Variants in RBM20 observed in about 807,000 individuals in gnomAD.
The protein encoded by RBM20 is RNA binding motif protein 20.
RBM20 carries 51 observed loss-of-function variants against 110.1 expected under a neutral mutation model. The ratio of observed to expected loss-of-function variants is 0.46; its 90% CI spans 0.37 to 0.59. The LOEUF (loss-of-function observed/expected upper bound fraction) is 0.59. Ranked by LOEUF, RBM20 falls within the 20% of genes least tolerant of loss-of-function variation. The pLI is 0.00. For synonymous variants in RBM20, 589 were observed against 618.2 expected, an observed-to-expected ratio of 0.95 and a Z score of 0.70; for missense variants, 1,512 against 1,574.9, an observed-to-expected ratio of 0.96 and a Z score of 0.68.
chr10:110,791,277 C>T (rs1216325923), intron 5 of RBM20, among the ~76,000 whole-genome samples: 1 of 152,158 alleles, frequency 6.6e-6, no homozygotes, highest in Admixed American at 6.5e-5. Context: ...AGAACAAAAC[C>T]AGCAGAGGCC....
In RBM20 at chr10:110,831,054, T is replaced by C. The variant is rs1230875623; in HGVS notation, c.3452-7T>C. On this transcript the variant is annotated splice_polypyrimidine_tract_variant and splice_region_variant and intron_variant, in intron 12 of 13. Transcript: ENST00000369519. The stretch of plus-strand genomic sequence containing the variant: ...ACCCTGCGTGTCTATCCCCCATCCT[T>C]TCCCAGGGGTGGAGTTCGTGGTTCC... The C allele has an allele frequency of 1.9e-6, 3 of 1,548,890 alleles. No individual in the cohort carries two copies. Among genetic ancestry groups the C allele is most frequent in the Non-Finnish European group, 2.6e-6 (3 of 1,144,874 alleles).
intron 1 of RBM20, among the ~76,000 whole-genome samples, chr10:110,657,375 T>A (rs894204320): frequency 6.6e-6 from 1 of 151,984 alleles, no homozygotes; most frequent in Non-Finnish European, 1.5e-5. Context: ...CTCAATGTGG[T>A]TTTGATTTGT....
chr10:110,806,581 A>G (rs886945156), intron 7 of RBM20, among the ~76,000 whole-genome samples: 4 of 152,158 alleles, frequency 2.6e-5, no homozygotes, highest in Non-Finnish European at 4.4e-5. Context: ...ACCAGGCCCC[A>G]CCTTCAACAT....
chr10:110,801,177 C>T (rs1280497535), intron 7 of RBM20, among the ~76,000 whole-genome samples: 1 of 151,982 alleles, frequency 6.6e-6, no homozygotes, highest in African/African-American at 2.4e-5. Context: ...CCCTGTAATC[C>T]CAGCACTTTG....
chr10:110,812,700 C>G lies in RBM20; in HGVS notation c.2303C>G (p.Ser768Trp), dbSNP rs1417635. 786 of 1,551,666 alleles carry G rather than the reference C, an allele frequency of 5.1e-4. 2 individuals carry two copies. The African/African-American group carries it at 9.1e-3, about 18-fold the overall frequency. Residue 768 changes from serine (S) to tryptophan (W), a missense_variant, in exon 9 of 14, where the codon TCG becomes TGG. Physicochemically the swap from Ser to Trp is radical, Grantham distance 177. Coordinates refer to ENST00000369519, the MANE Select transcript of RBM20 (RefSeq NM_001134363.3). ...GYYRKEPKAKSDKYLKQQQDA... is the reference protein window; with the variant it reads ...GYYRKEPKAKWDKYLKQQQDA... ...TACCGGAAAGAGCCCAAAGCCAAGT[C>G]GGACAAGTATCTGAAGCAGCAGCAG...
chr10:110,715,471 G>C (rs1335880135), intron 1 of RBM20, among the ~76,000 whole-genome samples: 1 of 152,182 alleles, frequency 6.6e-6, no homozygotes, highest in Non-Finnish European at 1.5e-5. Flanking sequence ...TCAAATGTCA[G>C]TTTTCCTTTG....
At chr10:110,768,674 A>G (rs1564840321) in intron 1 of RBM20, among the ~76,000 whole-genome samples, 1 of 152,220 alleles carries the variant, frequency 6.6e-6, no homozygotes, top group Non-Finnish European at 1.5e-5. Context: ...TAATTTGCCC[A>G]GTGTTGAGCC....
intron 1 of RBM20, among the ~76,000 whole-genome samples, chr10:110,733,609 T>G (rs1326260405): frequency 6.6e-6 from 1 of 152,230 alleles, no homozygotes; most frequent in Non-Finnish European, 1.5e-5. Flanking sequence ...GCATTCTCTT[T>G]CATAATCCCT....
At chr10:110,716,822 C>A (rs1200106388) in intron 1 of RBM20, among the ~76,000 whole-genome samples, 1 of 150,438 alleles carries the variant, frequency 6.6e-6, no homozygotes, top group Non-Finnish European at 1.5e-5. Context: ...GAGGCTGAGG[C>A]AGAAGAATGG....
intron 1 of RBM20, among the ~76,000 whole-genome samples, chr10:110,740,109 A>G (rs1843710219): frequency 1.3e-5 from 2 of 152,260 alleles, no homozygotes; most frequent in Admixed American, 6.5e-5. Context: ...GGCCAGGGCC[A>G]GGGCAGGAAG....
intron 7 of RBM20, among the ~76,000 whole-genome samples, chr10:110,806,333 T>C (rs1844694850): frequency 6.6e-6 from 1 of 151,688 alleles, no homozygotes; most frequent in South Asian, 2.1e-4. Flanking sequence ...AATTGGCTCA[T>C]GGTTCCACAG....
At chr10:110,834,085 G>A (rs968459262) in intron 13 of RBM20, among the ~76,000 whole-genome samples, 1 of 152,214 alleles carries the variant, frequency 6.6e-6, no homozygotes, top group African/African-American at 2.4e-5. Context: ...GGCTGGTCAC[G>A]GCTCTGCAAG....
intron 1 of RBM20, among the ~76,000 whole-genome samples, chr10:110,777,318 G>T (rs1056267300): frequency 1.3e-5 from 2 of 152,228 alleles, no homozygotes; most frequent in African/African-American, 2.4e-5. Flanking sequence ...AGGGGTGTCA[G>T]ATCATGCACC....
At chr10:110,732,273 T>C (rs78276106) in intron 1 of RBM20, among the ~76,000 whole-genome samples, 1,954 of 152,260 alleles carry the variant, frequency 0.013, 39 homozygotes, top group African/African-American at 0.043. Flanking sequence ...GAGAGGTTGG[T>C]ATTGATTTTC....
intron 7 of RBM20, among the ~76,000 whole-genome samples, chr10:110,801,699 A>ATTT (rs1844626873): frequency 4.7e-5 from 3 of 64,188 alleles, no homozygotes; most frequent in African/African-American, 2.3e-4. Context: ...ATGCCTGGCT[A>ATTT]CTTTTTTTTT....
chr10:110,802,259 C>T (rs984932737), intron 7 of RBM20, among the ~76,000 whole-genome samples: 1 of 152,178 alleles, frequency 6.6e-6, no homozygotes, highest in Non-Finnish European at 1.5e-5. Flanking sequence ...GACTGGCATT[C>T]TGACAAGTCT....
rs1246549084 is a variant in RBM20 at position 110,839,264 on chromosome 10, A to T, written c.*3286A>T. 3 of 152,214 alleles carry T rather than the reference A, an allele frequency of 2.0e-5. No homozygotes were observed. Among genetic ancestry groups the T allele is most frequent in the Admixed American group, 2.0e-4 (3 of 15,290 alleles). The allele number at this position is 152,214 out of a possible 1,614,324, so 9.4% of individuals were successfully genotyped here. On this transcript the variant is annotated 3_prime_UTR_variant, in exon 14 of 14. Transcript: ENST00000369519. ...CTGTGACCTGTTAGATAATTAGATT[A>T]TACTTGAACTGGACCAGAGTTTGTT...
At chr10:110,828,527 G>A (rs1172119351) in intron 12 of RBM20, among the ~76,000 whole-genome samples, 1 of 152,218 alleles carries the variant, frequency 6.6e-6, no homozygotes, top group African/African-American at 2.4e-5. Context: ...TTGGGGAGAG[G>A]TTGGGGTTCA....
Position 110,748,904 on chromosome 10 carries a change from C to T in RBM20, c.192-31897C>T, listed in dbSNP as rs369951824. ...CTTGGCAACCACTTAATGTGGTTTT[C>T]GTCTTTATGGACTTGCCTACTGTGT... On this transcript the variant is annotated intron_variant, in intron 1 of 13. Coordinates refer to ENST00000369519, the MANE Select transcript of RBM20 (RefSeq NM_001134363.3). 3.9e-5 allele frequency among the ~76,000 whole-genome samples: 6 copies of T among 152,252 alleles called. No homozygotes were observed. In the South Asian group the frequency reaches 8.3e-4, roughly 21 times the overall value.
Sources: gnomAD v4.1 joint callset for allele counts (sites outside exome capture counted in the v4.1 genomes callset) on GRCh38, gnomAD v4.1.1 for gene constraint, MANE v1.5 for transcripts, NCBI Gene and HGNC (gene_info 2026-07-23, HGNC 2026-07-21) for gene names.